The following CMIP variants were observed in gnomAD, a reference collection of about 807,000 sequenced individuals.
The protein encoded by CMIP is c-Maf inducing protein.
Under a neutral mutation model 97.3 loss-of-function variants are expected in CMIP, and 13 were observed. The ratio of observed to expected loss-of-function variants is 0.13; its 90% CI spans 0.09 to 0.21. CMIP has a LOEUF of 0.21. Ranked by LOEUF, CMIP falls within the 10% of genes least tolerant of loss-of-function variation. The probability of loss-of-function intolerance (pLI) is 1.00; values close to 1 mark genes in which losing one functional copy is unlikely to be tolerated. For missense variants in CMIP, 847 were observed against 1,024.9 expected (o/e 0.83, Z 2.37); for synonymous variants, 538 against 436.3 (o/e 1.23, Z -2.91).
chr16:81,565,671 G>A (rs894731331), intron 1 of CMIP, among the ~76,000 whole-genome samples: 1 of 152,102 alleles, frequency 6.6e-6, no homozygotes, highest in Non-Finnish European at 1.5e-5. Context: ...TCATGGCAGC[G>A]GGGCAGGGGA....
rs139729998 is a variant in CMIP at position 81,548,613 on chromosome 16, G to C, written c.301-58954G>C. Among the ~76,000 whole-genome samples the C allele has an allele frequency of 7.2e-5, 11 of 152,038 alleles. No homozygotes were observed. In the East Asian group the frequency reaches 1.2e-3, roughly 16 times the overall value. On this transcript the variant is annotated intron_variant, in intron 1 of 20. Transcript: ENST00000537098. ...TCCAGTTCCTTGGGAGGCTGAGGTG[G>C]GAGGATCACTTGAAGCTAGGAGTTG...
At chr16:81,537,546 C>CAAAAAAAAAAA (rs397695977) in intron 1 of CMIP, among the ~76,000 whole-genome samples, 889 of 82,014 alleles carry the variant, frequency 0.011, no homozygotes, top group Middle Eastern at 0.022. Context: ...AAAAAAAAGA[C>CAAAAAAAAAAA]AAAAAAAAAA....
intron 1 of CMIP, among the ~76,000 whole-genome samples, chr16:81,532,281 C>T (rs1026449030): frequency 7.2e-5 from 11 of 152,204 alleles, no homozygotes; most frequent in Non-Finnish European, 5.9e-5. Flanking sequence ...CACATTCGGA[C>T]GTGTGTTAGG....
chr16:81,451,988 AACC>A (rs1210723396), intron 1 of CMIP, among the ~76,000 whole-genome samples: 6 of 152,254 alleles, frequency 3.9e-5, no homozygotes, highest in African/African-American at 7.2e-5. Flanking sequence ...GCAGAGCCCT[AACC>A]GAAGGGTGAT....
chr16:81,522,130 A>G (rs975413348), intron 1 of CMIP, among the ~76,000 whole-genome samples: 1 of 152,200 alleles, frequency 6.6e-6, no homozygotes, highest in Non-Finnish European at 1.5e-5. Flanking sequence ...GAAATGTCAG[A>G]CATCTTTGCT....
At chr16:81,696,755 G>C in intron 14 of CMIP, 88 bp downstream of exon 14, 1 of 1,280,646 alleles carries the variant, frequency 7.8e-7, no homozygotes, top group Non-Finnish European at 1.1e-6. Flanking sequence ...CCCATCCCCT[G>C]GGGCCAGCCC....
In CMIP at chr16:81,695,254, T is replaced by C. The variant is rs139752949; in HGVS notation, c.1531-1306T>C. Among the ~76,000 whole-genome samples the C allele has an allele frequency of 2.9e-3, 435 of 152,340 alleles. 2 individuals are homozygous for C. The highest frequency in any genetic ancestry group is 4.8e-3 in the Non-Finnish European group (324 of 68,034). ...CTCCCTTTTCCTCCTCACTCTTCTT[T>C]CTCCCTTCCCTTCTACCTTCTCCTT... On this transcript the variant is annotated intron_variant, in intron 13 of 20. Transcript: ENST00000537098.
At chr16:81,603,229 G>A (rs1232558654) in intron 1 of CMIP, among the ~76,000 whole-genome samples, 2 of 152,050 alleles carry the variant, frequency 1.3e-5, no homozygotes, top group African/African-American at 4.8e-5. Flanking sequence ...ACAGGCACCC[G>A]CCACCACGCC....
chr16:81,554,455 A>G (rs1219987788), intron 1 of CMIP, among the ~76,000 whole-genome samples: 6 of 152,104 alleles, frequency 3.9e-5, no homozygotes, highest in African/African-American at 1.4e-4. Context: ...TCAATAATCA[A>G]TCACCACTCT....
chr16:81,500,256 G>GTCCTTCCTTCCTTCCTTCCT lies in CMIP; in HGVS notation c.300+54730_300+54731insTTCCTTCCTTCCTTCCTTCC, dbSNP rs879827008. Among the ~76,000 whole-genome samples, 4 of 109,684 alleles carry GTCCTTCCTTCCTTCCTTCCT rather than the reference G, an allele frequency of 3.6e-5. No homozygotes were observed. In the East Asian group the frequency reaches 1.6e-3, roughly 43 times the overall value. 72.0% of individuals were successfully genotyped at this position (109,684 alleles called of 152,430 possible). ...TATCAAAATTTCCTTCCTTCCTTCC[G>GTCCTTCCTTCCTTCCTTCCT]TCCTTCCTTCCTTCCGTCCTTCCTT... is the stretch of plus-strand genomic sequence containing the variant. On this transcript the variant is annotated intron_variant, in intron 1 of 20. Coordinates refer to ENST00000537098, the MANE Select transcript of CMIP (RefSeq NM_198390.3).
chr16:81,636,600 A>AG (rs1567624963), intron 3 of CMIP, among the ~76,000 whole-genome samples: 1 of 149,302 alleles, frequency 6.7e-6, no homozygotes. Context: ...AAAAAAAAAA[A>AG]AGTATGGCAT....
intron 20 of CMIP, among the ~76,000 whole-genome samples, chr16:81,708,309 C>CG (rs1908380157): frequency 6.6e-6 from 1 of 152,224 alleles, no homozygotes; most frequent in African/African-American, 2.4e-5. Context: ...CGGCACCACT[C>CG]GGGGGCCAAC....
At chr16:81,623,138 A>C (rs533601388) in intron 3 of CMIP, among the ~76,000 whole-genome samples, 1 of 152,238 alleles carries the variant, frequency 6.6e-6, no homozygotes, top group South Asian at 2.1e-4. Context: ...CAGGAGATGG[A>C]GGTTGTAGTG....
At chr16:81,626,492 ATG>A (rs543389398) in intron 3 of CMIP, among the ~76,000 whole-genome samples, 64 of 117,246 alleles carry the variant, frequency 5.5e-4, no homozygotes, top group East Asian at 5.1e-3. Flanking sequence ...ACTTTTATGA[ATG>A]TGTGGGGTGA....
chr16:81,613,018 C>T (rs1447103166), intron 2 of CMIP, among the ~76,000 whole-genome samples: 2 of 152,194 alleles, frequency 1.3e-5, no homozygotes, highest in Non-Finnish European at 2.9e-5. Context: ...TCAGCTTTCC[C>T]TTTGCTTGGA....
intron 1 of CMIP, among the ~76,000 whole-genome samples, chr16:81,549,683 AG>A: frequency 6.6e-6 from 1 of 152,338 alleles, no homozygotes; most frequent in African/African-American, 2.4e-5. Flanking sequence ...TAAAGGACAC[AG>A]GCAGCAAGGA....
Position 81,652,619 on chromosome 16 carries a change from C to T in CMIP, c.639+255C>T, listed in dbSNP as rs147042051. ...AGGTGTTGCCCCGTGCAGTGAGAGC[C>T]AGTAGTCCCATCCCCATCTCTGTCT... On this transcript the variant is annotated intron_variant, in intron 4 of 20. Coordinates refer to ENST00000537098, the MANE Select transcript of CMIP (RefSeq NM_198390.3). The surrounding 1 kb of genome is among the most constrained non-coding windows in gnomAD (Gnocchi z 5.2). 2.8e-4 allele frequency among the ~76,000 whole-genome samples: 43 copies of T among 152,292 alleles called. No individual in the cohort carries two copies. Among genetic ancestry groups the T allele is most frequent in the African/African-American group, 9.4e-4 (39 of 41,580 alleles).
chr16:81,645,340 G>A, intron 3 of CMIP: 2 of 1,390,450 alleles, frequency 1.4e-6, no homozygotes, highest in Non-Finnish European at 1.9e-6. Context: ...AGGTGGTGGG[G>A]AGCATGCGTG....
intron 3 of CMIP, among the ~76,000 whole-genome samples, chr16:81,634,936 C>T (rs1597173943): frequency 6.6e-6 from 1 of 152,304 alleles, no homozygotes; most frequent in African/African-American, 2.4e-5. Context: ...TGAGGCCTGG[C>T]AAGGGAAATC....
Sources: gnomAD v4.1 joint callset for allele counts (sites outside exome capture counted in the v4.1 genomes callset) on GRCh38, gnomAD v4.1.1 for gene constraint, Gnocchi (gnomAD v3.1) non-coding constraint, MANE v1.5 for transcripts, NCBI Gene and HGNC (gene_info 2026-07-23, HGNC 2026-07-21) for gene names.